BRAF: variants seen among roughly 807,000 people sequenced by gnomAD.
BRAF encodes the protein serine/threonine-protein kinase B-raf.
A neutral mutation model predicts 104.6 loss-of-function variants in BRAF; 16 were observed. The ratio of observed to expected loss-of-function variants is 0.15; its 90% confidence interval spans 0.10 to 0.23. The LOEUF (loss-of-function observed/expected upper bound fraction) is 0.23, where lower values mean the gene tolerates loss of function less well. Ranked by LOEUF, BRAF falls within the 10% of genes least tolerant of loss-of-function variation. The pLI, the probability that BRAF is intolerant of heterozygous loss-of-function variation, is 1.00. For missense variants in BRAF, 541 were observed against 937.3 expected, an observed-to-expected ratio of 0.58 and a Z score of 5.52; for synonymous variants, 310 against 341.6, an observed-to-expected ratio of 0.91 and a Z score of 1.02.
chr7:140,834,507 C>T (rs1807106143), intron 3 of BRAF, 102 bp downstream of exon 3: 15 of 1,497,008 alleles, frequency 1.0e-5, no homozygotes, highest in Admixed American at 1.7e-5. Flanking sequence ...CCTCTATTTG[C>T]ATGACCTCTG....
At position 140,724,111 on chromosome 7, in the gene BRAF, C is replaced by G. The variant is rs1795463227; in HGVS notation, c.*2383G>C. On this transcript the variant is annotated 3_prime_UTR_variant, in exon 20 of 20. Coordinates refer to ENST00000644969, the MANE Select transcript of BRAF (RefSeq NM_001374258.1). ...TCCCCCGTTCAAATGAGATACCAGC[C>G]TATTCTAAAATGCAAGGGAAGAAAA... 3 of 1,051,262 alleles carry G rather than the reference C, an allele frequency of 2.9e-6. No individual in the cohort carries two copies. The South Asian group carries it at 1.4e-4, about 48-fold the overall frequency. The allele number at this position is 1,051,262 out of a possible 1,614,324, so 65.1% of individuals were successfully genotyped here.
chr7:140,744,242 ATGAC>A (rs1366958412), intron 17 of BRAF, among the ~76,000 whole-genome samples: 2 of 152,222 alleles, frequency 1.3e-5, no homozygotes, highest in African/African-American at 2.4e-5. Context: ...GGTTAATCAT[ATGAC>A]TGAACCCCAA....
At chr7:140,788,773 G>C (rs1358309177) in intron 8 of BRAF, among the ~76,000 whole-genome samples, 2 of 151,924 alleles carry the variant, frequency 1.3e-5, no homozygotes, top group African/African-American at 4.8e-5. Flanking sequence ...ATTTTTAGTA[G>C]AGACGGGGTT....
chr7:140,762,603 GTTTTTTTTTT>G (rs774057622), intron 14 of BRAF, among the ~76,000 whole-genome samples: 43 of 96,210 alleles, frequency 4.5e-4, no homozygotes, highest in Middle Eastern at 5.9e-3. Flanking sequence ...TCCAGGAGCT[GTTTTTTTTTT>G]TTTTTTTTTT....
intron 14 of BRAF, among the ~76,000 whole-genome samples, chr7:140,772,580 C>T (rs1258534084): frequency 3.9e-5 from 6 of 151,940 alleles, no homozygotes; most frequent in Non-Finnish European, 7.4e-5. Context: ...AGTGTCGCTG[C>T]GCTCCAGCCT....
chr7:140,736,817 G>A (rs577842622), intron 18 of BRAF, among the ~76,000 whole-genome samples: 6 of 152,116 alleles, frequency 3.9e-5, no homozygotes, highest in East Asian at 1.9e-4. Context: ...CGAGAGGATC[G>A]CTTGAGGCCA....
At position 140,720,977 on chromosome 7, in the gene BRAF, G is replaced by T; in HGVS notation, c.*5517C>A. 3.8e-6 allele frequency: 4 copies of T among 1,064,508 alleles called. No homozygotes were observed. The highest frequency in any genetic ancestry group is 4.6e-6 in the Non-Finnish European group (4 of 878,872). The allele number at this position is 1,064,508 out of a possible 1,614,324, so 65.9% of individuals were successfully genotyped here. A position where few individuals can be genotyped will look rare whatever the true frequency, so the allele number is the denominator to read the frequency against. ...CGGTGCTGGAGAATGAACTCGGCTG[G>T]CCGGGAGAAGCAGATGGTTTGTACA... On this transcript the variant is annotated 3_prime_UTR_variant, in exon 20 of 20. Transcript: ENST00000644969.
At chr7:140,896,453 G>T (rs774831536) in intron 1 of BRAF, among the ~76,000 whole-genome samples, 1 of 152,132 alleles carries the variant, frequency 6.6e-6, no homozygotes, top group Non-Finnish European at 1.5e-5. Flanking sequence ...ACAGAGCTGG[G>T]AGTAGTGGCT....
At chr7:140,859,719 C>T (rs1218412608) in intron 1 of BRAF, among the ~76,000 whole-genome samples, 1 of 138,904 alleles carries the variant, frequency 7.2e-6, no homozygotes, top group East Asian at 2.2e-4. Context: ...GATGGAGTCT[C>T]ACTTTGTCAC....
At chr7:140,737,653 T>C (rs1045554376) in intron 18 of BRAF, among the ~76,000 whole-genome samples, 3 of 152,230 alleles carry the variant, frequency 2.0e-5, no homozygotes, top group African/African-American at 7.2e-5. Flanking sequence ...TCACATCTGC[T>C]AATTTTTTCC....
chr7:140,747,422 T>C (rs1381800276), intron 17 of BRAF: 3 of 1,288,846 alleles, frequency 2.3e-6, no homozygotes, highest in Non-Finnish European at 3.0e-6. Flanking sequence ...ACATCATTTA[T>C]TATACTCCCA....
intron 14 of BRAF, among the ~76,000 whole-genome samples, chr7:140,775,221 A>G (rs1208075442): frequency 2.0e-5 from 3 of 152,242 alleles, no homozygotes; most frequent in African/African-American, 7.2e-5. Context: ...AAGGTCCTAA[A>G]GAAGGAACAC....
intron 1 of BRAF, among the ~76,000 whole-genome samples, chr7:140,855,889 G>A (rs1399985881): frequency 6.6e-6 from 1 of 151,206 alleles, no homozygotes. Context: ...GTGTGGGTGC[G>A]TGCCTGTAGT....
Position 140,721,589 on chromosome 7 carries a change from G to A in BRAF, c.*4905C>T, listed in dbSNP as rs772872980. Reference sequence around the variant, plus strand: ...GGACCACAGATATACTGGTGACTCCGCTCTCCTCTGGCCAAGCTACAAATC... The same window carrying A: ...GGACCACAGATATACTGGTGACTCCACTCTCCTCTGGCCAAGCTACAAATC... On this transcript the variant is annotated 3_prime_UTR_variant, in exon 20 of 20. Transcript: ENST00000644969. 55 of 1,530,120 alleles carry A rather than the reference G, an allele frequency of 3.6e-5. 1 individual carries two copies. In the South Asian group the frequency reaches 5.8e-4, roughly 16 times the overall value. The allele number at this position is 1,530,120 out of a possible 1,614,324, so 94.8% of individuals were successfully genotyped here.
At position 140,723,720 on chromosome 7, in the gene BRAF, A is replaced by C. The variant is rs558293681; in HGVS notation, c.*2774T>G. On this transcript the variant is annotated 3_prime_UTR_variant, in exon 20 of 20. Coordinates refer to ENST00000644969, the MANE Select transcript of BRAF (RefSeq NM_001374258.1). ...CTTCACCTCTCCCTACCAAAAATAA[A>C]ACACACTACAGAAGGCACTGCAGCC... The C allele has an allele frequency of 1.9e-4, 196 of 1,050,478 alleles. No homozygotes were observed. The highest frequency in any genetic ancestry group is 1.0e-3 in the Admixed American group (19 of 18,206). 65.1% of individuals were successfully genotyped at this position (1,050,478 alleles called of 1,614,324 possible).
At chr7:140,797,332 A>G (rs1441837392) in intron 7 of BRAF, among the ~76,000 whole-genome samples, 1 of 152,198 alleles carries the variant, frequency 6.6e-6, no homozygotes, top group Non-Finnish European at 1.5e-5. Context: ...AAAAGTAGAA[A>G]AGGAGGTATC....
intron 7 of BRAF, among the ~76,000 whole-genome samples, chr7:140,794,735 T>G (rs903212098): frequency 3.3e-5 from 5 of 152,184 alleles, no homozygotes; most frequent in Non-Finnish European, 7.3e-5. Flanking sequence ...TACTTATGGC[T>G]AGAAATTACC....
intron 1 of BRAF, among the ~76,000 whole-genome samples, chr7:140,851,450 AAG>A (rs1809151880): frequency 6.6e-6 from 1 of 152,226 alleles, no homozygotes; most frequent in Non-Finnish European, 1.5e-5. Context: ...AATGAAAAAA[AAG>A]AGTTCCAAAT....
Position 140,799,960 on chromosome 7 carries a change from C to T in BRAF, c.980+402G>A, listed in dbSNP as rs1586207836. 2.1e-5 allele frequency: 8 copies of T among 379,386 alleles called. No individual in the cohort carries two copies. In the East Asian group the frequency reaches 3.5e-4, roughly 17 times the overall value. The allele number at this position is 379,386 out of a possible 1,614,324, so 23.5% of individuals were successfully genotyped here. A position where few individuals can be genotyped will look rare whatever the true frequency, so the allele number is the denominator to read the frequency against. ...TGAAATAGTCTATGTCAGCTTTAAT[C>T]CCACTTATTTGTACCAAATGCAAGT... On this transcript the variant is annotated intron_variant, in intron 7 of 19. Transcript: ENST00000644969.
Sources: gnomAD v4.1 joint callset for allele counts (sites outside exome capture counted in the v4.1 genomes callset) on GRCh38, gnomAD v4.1.1 for gene constraint, MANE v1.5 for transcripts, NCBI Gene and HGNC (gene_info 2026-07-23, HGNC 2026-07-21) for gene names.